Variants in PTCH2 observed in about 807,000 individuals in gnomAD.
The protein encoded by PTCH2 is patched 2.
Under a neutral mutation model 117.9 loss-of-function variants are expected in PTCH2, and 96 were observed. The observed-to-expected ratio is 0.81, with a 90% CI of 0.69 to 0.96. PTCH2 has a LOEUF of 0.96. PTCH2 is among the 50% of genes least tolerant of loss of function. The probability of loss-of-function intolerance (pLI) is 0.00; values close to 1 mark genes in which losing one functional copy is unlikely to be tolerated. For missense variants in PTCH2, 1,379 were observed against 1,562.5 expected, an observed-to-expected ratio of 0.88 and a Z score of 1.98; for synonymous variants, 615 against 660.9, an observed-to-expected ratio of 0.93 and a Z score of 1.06.
Position 44,827,471 on chromosome 1 carries a change from C to T in PTCH2, c.2302G>A (p.Ala768Thr), listed in dbSNP as rs1265097035. 6.2e-7 allele frequency: 1 copy of T among 1,614,010 alleles called. No individual in the cohort carries two copies. The highest frequency in any genetic ancestry group is 1.1e-5 in the South Asian group (1 of 91,072). The change falls in exon 15 of 22, where the codon GCG becomes ACG. Residue 768 changes from alanine (A) to threonine (T), a missense_variant. By Grantham distance (58) the Ala-to-Thr change is moderately conservative. Transcript: ENST00000372192. ...TGGGTGGCCGGTGGGGGCAGCACCG[C>T]CTTGAGGGAACTGAAGCGCTGGTGC... Reference protein sequence around the residue: ...DLHQRFSSLKAVLPPPATQAP... With the variant: ...DLHQRFSSLKTVLPPPATQAP...
chr1:44,828,734 A>T, intron 11 of PTCH2, 103 bp from the exon 12 acceptor site: 1 of 1,489,314 alleles, frequency 6.7e-7, no homozygotes, highest in Non-Finnish European at 9.1e-7. Context: ...GAGGTGGGGC[A>T]GTCATAACAC....
rs2148874038 is a variant in PTCH2, at chr1:44,826,540, G to C, written c.2924C>G (p.Thr975Ser). The change falls in exon 18 of 22, where the codon ACT becomes AGT. Residue 975 changes from threonine to serine, a missense_variant. Coordinates refer to ENST00000372192, the MANE Select transcript of PTCH2 (RefSeq NM_003738.5). The surrounding 1 kb of genome is among the most constrained non-coding windows in gnomAD (Gnocchi z 5.1). ...GAGCAGCAGAGCACAGACGAGGAAA[G>C]TGCACACCAGCAGGATGCAGACGGC... is the stretch of plus-strand genomic sequence containing the variant. ...LLAVCILLVC[T>S]FLVCALLLLN... is the part of the protein sequence containing the mutation. 1.2e-6 allele frequency: 2 copies of C among 1,613,816 alleles called. No individual in the cohort carries two copies. Among genetic ancestry groups the C allele is most frequent in the Non-Finnish European group, 1.7e-6 (2 of 1,180,028 alleles).
chr1:44,827,394 CCT>C lies in PTCH2; in HGVS notation c.2371+6_2371+7del, dbSNP rs749791434. The C allele has an allele frequency of 1.2e-6, 2 of 1,613,932 alleles. No individual in the cohort carries two copies. Among genetic ancestry groups the C allele is most frequent in the Non-Finnish European group, 1.7e-6 (2 of 1,179,982 alleles). ...GCACCCCTCCCTGCCCGTCTCCTCG[CCT>C]CTCACCCTGTAGCCAGTTGCGGTAA... is the stretch of plus-strand genomic sequence containing the variant. On this transcript the variant is annotated splice_donor_region_variant and intron_variant, in intron 15 of 21. Transcript: ENST00000372192.
At position 44,830,028 on chromosome 1, in the gene PTCH2, A is replaced by G. The variant is rs1653361069; in HGVS notation, c.816T>C (p.Ala272=). The G allele has an allele frequency of 6.2e-7, 1 of 1,613,892 alleles. No homozygotes were observed. The highest frequency in any genetic ancestry group is 8.5e-7 in the Non-Finnish European group (1 of 1,179,964). The change falls in exon 7 of 22, where the codon GCT becomes GCC. Residue 272 remains alanine (A), a splice_region_variant and synonymous_variant. Transcript: ENST00000372192. Reference sequence around the variant, plus strand: ...CACTCAGCTCGTGAGCCACATTGGGAGCCTGGAGGGGAACAGGAGGGGTTA... The same window carrying G: ...CACTCAGCTCGTGAGCCACATTGGGGGCCTGGAGGGGAACAGGAGGGGTTA... ...PSAPNHHSRQ[A]PNVAHELSGG... is the part of the protein sequence containing the mutation.
At chr1:44,839,978 G>T (rs904136343) in intron 2 of PTCH2, among the ~76,000 whole-genome samples, 1 of 152,078 alleles carries the variant, frequency 6.6e-6, no homozygotes, top group Non-Finnish European at 1.5e-5. Flanking sequence ...CTTTGGGTAT[G>T]GGCCAGGGCT....
At position 44,828,181 on chromosome 1, in the gene PTCH2, C is replaced by A. The variant is rs779477101; in HGVS notation, c.1720G>T (p.Ala574Ser). Residue 574 changes from alanine (A) to serine (S), a missense_variant, in exon 14 of 22, where the codon GCT (alanine) becomes TCT (serine). Physicochemically the swap from Ala to Ser is moderately conservative, Grantham distance 99. Transcript: ENST00000372192. ...VLCCFSSPCS[A>S]QVIQILPQEL... ...TGGGGCAGGATCTGAATCACCTGAGCAGAGCAGGGACTGGAAGAGGTAGAG... is the reference window on the plus strand; with the variant it reads ...TGGGGCAGGATCTGAATCACCTGAGAAGAGCAGGGACTGGAAGAGGTAGAG... The A allele has an allele frequency of 1.4e-5, 23 of 1,613,472 alleles. No homozygotes were observed. Among genetic ancestry groups the A allele is most frequent in the Middle Eastern group, 1.6e-4 (1 of 6,084 alleles).
intron 19 of PTCH2, among the ~76,000 whole-genome samples, chr1:44,824,304 T>A (rs902824741): frequency 6.6e-6 from 1 of 152,184 alleles, no homozygotes; most frequent in African/African-American, 2.4e-5. Context: ...ATAATCAGAA[T>A]AATAATAGAG....
In PTCH2 at chr1:44,830,003, C is replaced by T. The variant is rs1653359538; in HGVS notation, c.841G>A (p.Gly281Arg). Residue 281 changes from glycine (G) to arginine (R), a missense_variant, in exon 7 of 22, where the codon GGG (glycine) becomes AGG (arginine). Physicochemically the swap from Gly to Arg is moderately radical, Grantham distance 125. Coordinates refer to ENST00000372192, the MANE Select transcript of PTCH2 (RefSeq NM_003738.5). ...QAPNVAHELSGGCHGFSHKFM... is the reference protein window; with the variant it reads ...QAPNVAHELSRGCHGFSHKFM... ...TTGTGGGAGAAGCCATGGCAGCCCCCACTCAGCTCGTGAGCCACATTGGGA... is the reference window on the plus strand; with the variant it reads ...TTGTGGGAGAAGCCATGGCAGCCCCTACTCAGCTCGTGAGCCACATTGGGA... The T allele has an allele frequency of 6.2e-7, 1 of 1,614,166 alleles. No homozygotes were observed.
In PTCH2 at chr1:44,830,970, G is replaced by A; in HGVS notation, c.691C>T (p.Leu231Phe). The change falls in exon 6 of 22, where the codon CTT (leucine) becomes TTT (phenylalanine). Residue 231 changes from leucine to phenylalanine, a missense_variant. Coordinates refer to ENST00000372192, the MANE Select transcript of PTCH2 (RefSeq NM_003738.5). ...LLEELGPFAS[L>F]EGFRELLDKA... ...TCTAGCAGCTCCCGGAAGCCCTCAA[G>A]GGAGGCAAAGGGACCCAGCTCCTCC... is the stretch of plus-strand genomic sequence containing the variant. The A allele has an allele frequency of 1.2e-6, 2 of 1,612,334 alleles. No individual in the cohort carries two copies. Among genetic ancestry groups the A allele is most frequent in the Non-Finnish European group, 1.7e-6 (2 of 1,179,108 alleles).
chr1:44,842,884 G>A lies in PTCH2; in HGVS notation c.49C>T (p.Pro17Ser). The change falls in exon 1 of 22, where the codon CCA becomes TCA. Residue 17 changes from proline (P) to serine (S), a missense_variant. Physicochemically the swap from Pro to Ser is moderately conservative, Grantham distance 74 (BLOSUM62 -1). Coordinates refer to ENST00000372192, the MANE Select transcript of PTCH2 (RefSeq NM_003738.5). ...ACCTGGGGTGCTGCGGTTCGAGCTG[G>A]GGGTGTGTAACTCGGGGGCAGCTCT... Reference protein sequence around the residue: ...LRELPPSYTPPARTAAPQILA... With the variant: ...LRELPPSYTPSARTAAPQILA... 1 of 1,550,946 alleles carries A rather than the reference G, an allele frequency of 6.4e-7. No individual in the cohort carries two copies. Among genetic ancestry groups the A allele is most frequent in the Non-Finnish European group, 8.7e-7 (1 of 1,146,584 alleles).
At chr1:44,835,054 T>C (rs1653624622) in intron 2 of PTCH2, among the ~76,000 whole-genome samples, 1 of 152,174 alleles carries the variant, frequency 6.6e-6, no homozygotes, top group Admixed American at 6.5e-5. Context: ...AATATCAAGA[T>C]TGATACATGA....
Position 44,827,667 on chromosome 1 carries a change from G to T in PTCH2, c.2106C>A (p.Tyr702Ter). 6.2e-7 allele frequency: 1 copy of T among 1,612,790 alleles called. No individual in the cohort carries two copies. The change falls in exon 15 of 22, where the codon TAC becomes TAA. Residue 702 changes from tyrosine to a stop codon, truncating the protein, a stop_gained. Transcript: ENST00000372192. LOFTEE classifies it high-confidence loss of function. ...GGCCGTCTTGCACCAAGGTGGCTCC[G>T]TAGAGGCTCAGGCCCAGAAGAGCAC... ...LFGALLGLSL[Y>*]GATLVQDGLA... is the part of the protein sequence containing the mutation.
At position 44,836,428 on chromosome 1, in the gene PTCH2, G is replaced by A. The variant is rs117947399; in HGVS notation, c.266-4087C>T. On this transcript the variant is annotated intron_variant, in intron 2 of 21. Transcript: ENST00000372192. ...GGAGTTCAAGACCAGCCTGGGGGCC[G>A]GCCAGGCGCGATGGCTCATACCTGC... Among the ~76,000 whole-genome samples the A allele has an allele frequency of 1.0e-3, 154 of 152,226 alleles. 2 individuals are homozygous for A. The East Asian group carries it at 0.026, about 25-fold the overall frequency.
At position 44,830,031 on chromosome 1, in the gene PTCH2, C is replaced by T; in HGVS notation, c.814-1G>A. On this transcript the variant is annotated splice_acceptor_variant, in intron 6 of 21. Transcript: ENST00000372192. LOFTEE classifies it high-confidence loss of function. ...TCAGCTCGTGAGCCACATTGGGAGC[C>T]TGGAGGGGAACAGGAGGGGTTAATG... The T allele has an allele frequency of 1.2e-6, 2 of 1,614,056 alleles. No individual in the cohort carries two copies. The highest frequency in any genetic ancestry group is 1.7e-6 in the Non-Finnish European group (2 of 1,179,976).
At position 44,827,526 on chromosome 1, in the gene PTCH2, G is replaced by A. The variant is rs779837932; in HGVS notation, c.2247C>T (p.Tyr749=). The change falls in exon 15 of 22, where the codon TAC becomes TAT. Residue 749 remains tyrosine (Y), a synonymous_variant. Coordinates refer to ENST00000372192, the MANE Select transcript of PTCH2 (RefSeq NM_003738.5). ...CAAAGAGGGCGCGTTGGGAGTGGGC[G>A]TAGTCAAAGCCACCCTGGGTCACCA... ...VALVTQGGFD[Y]AHSQRALFDL... 6.4e-5 allele frequency: 103 copies of A among 1,613,976 alleles called. 1 individual carries two copies. Among genetic ancestry groups the A allele is most frequent in the South Asian group, 5.4e-4 (49 of 91,084 alleles).
At position 44,827,245 on chromosome 1, in the gene PTCH2, A is replaced by G. The variant is rs1421138946; in HGVS notation, c.2436T>C (p.Asn812=). The change falls in exon 16 of 22, where the codon AAT becomes AAC. Residue 812 remains asparagine, a synonymous_variant. Coordinates refer to ENST00000372192, the MANE Select transcript of PTCH2 (RefSeq NM_003738.5). ...SGRITRHSYR[N]GSEDGALAYK... is the part of the protein sequence containing the mutation. ...AGGCCAGGGCCCCATCCTCAGAGCC[A>G]TTGCGGTACGAGTGGCGGGTGATGC... The G allele has an allele frequency of 6.2e-7, 1 of 1,614,036 alleles. No individual in the cohort carries two copies. The highest frequency in any genetic ancestry group is 1.3e-5 in the African/African-American group (1 of 74,932).
At chr1:44,820,821 T>G, downstream of PTCH2, 1 of 647,184 alleles carries the variant, frequency 1.5e-6, no homozygotes, top group Non-Finnish European at 2.9e-6. Flanking sequence ...TGGTGAGCTC[T>G]CTCTGCTCCA....
Position 44,828,145 on chromosome 1 carries a change from C to A in PTCH2, c.1756G>T (p.Asp586Tyr), listed in dbSNP as rs751113988. 17 of 1,613,748 alleles carry A rather than the reference C, an allele frequency of 1.1e-5. No individual in the cohort carries two copies. In the Admixed American group the frequency reaches 1.2e-4, roughly 11 times the overall value. ...GCAATGCCCACTGGTACTGTCCCGTCCCCCAGCTCCTGGGGCAGGATCTGA... is the reference window on the plus strand; with the variant it reads ...GCAATGCCCACTGGTACTGTCCCGTACCCCAGCTCCTGGGGCAGGATCTGA... ...VIQILPQELG[D>Y]GTVPVGIAHL... The change falls in exon 14 of 22, where the codon GAC becomes TAC. Residue 586 changes from aspartate to tyrosine, a missense_variant. Coordinates refer to ENST00000372192, the MANE Select transcript of PTCH2 (RefSeq NM_003738.5).
At position 44,826,532 on chromosome 1, in the gene PTCH2, C is replaced by T. The variant is rs201618166; in HGVS notation, c.2932G>A (p.Val978Ile). The T allele has an allele frequency of 1.5e-5, 24 of 1,613,776 alleles. No individual in the cohort carries two copies. The highest frequency in any genetic ancestry group is 6.7e-5 in the East Asian group (3 of 44,882). ...GGGTTGAGGAGCAGCAGAGCACAGA[C>T]GAGGAAAGTGCACACCAGCAGGATG... Reference protein sequence around the residue: ...VCILLVCTFLVCALLLLNPWT... With the variant: ...VCILLVCTFLICALLLLNPWT... Residue 978 changes from valine (V) to isoleucine (I), a missense_variant, in exon 18 of 22, where the codon GTC (valine) becomes ATC (isoleucine). Val to Ile is a conservative substitution (Grantham distance 29). Transcript: ENST00000372192. The surrounding 1 kb of genome is among the most constrained non-coding windows in gnomAD (Gnocchi z 5.1).
Sources: allele counts gnomAD v4.1 joint callset (sites outside exome capture counted in the v4.1 genomes callset), GRCh38; gene constraint gnomAD v4.1.1; non-coding constraint Gnocchi (gnomAD v3.1); transcripts MANE v1.5; gene names NCBI Gene and HGNC (gene_info 2026-07-23, HGNC 2026-07-21).